SGCZ: variants seen among roughly 807,000 people sequenced by gnomAD.
SGCZ encodes the protein zeta-sarcoglycan.
In SGCZ, 40 loss-of-function variants were observed where a neutral mutation model predicts 41.3. The observed-to-expected ratio is 0.97, with a 90% confidence interval of 0.75 to 1.26. The LOEUF (loss-of-function observed/expected upper bound fraction) is 1.26, where lower values mean the gene tolerates loss of function less well. SGCZ is among the 50% of genes most tolerant of loss of function. The pLI is 0.00. For synonymous variants in SGCZ, 206 were observed against 137.5 expected, an observed-to-expected ratio of 1.50 and a Z score of -3.49; for missense variants, 552 against 369.8, an observed-to-expected ratio of 1.49 and a Z score of -4.04.
At chr8:14,445,903 T>C (rs34430367) in intron 2 of SGCZ, among the ~76,000 whole-genome samples, 25,919 of 152,086 alleles carry the variant, frequency 0.17, 2,319 homozygotes, top group African/African-American at 0.23. Flanking sequence ...AACTCATGCC[T>C]GATCTGGCCA....
chr8:14,267,880 A>G (rs1248069410), intron 3 of SGCZ, among the ~76,000 whole-genome samples: 2 of 152,016 alleles, frequency 1.3e-5, no homozygotes, highest in Admixed American at 6.6e-5. Flanking sequence ...GATGTAAAAA[A>G]GTCATTCTAT....
intron 2 of SGCZ, among the ~76,000 whole-genome samples, chr8:14,525,653 T>G (rs1402594967): frequency 6.6e-6 from 1 of 152,096 alleles, no homozygotes; most frequent in African/African-American, 2.4e-5. Context: ...AAGAAAACAT[T>G]AACACACTAA....
At chr8:14,234,841 T>A (rs991505841) in intron 4 of SGCZ, among the ~76,000 whole-genome samples, 3 of 152,178 alleles carry the variant, frequency 2.0e-5, no homozygotes, top group African/African-American at 7.2e-5. Context: ...TTGAAGAGTT[T>A]CTGAACATGG....
At chr8:14,195,456 G>A (rs1805238174) in intron 4 of SGCZ, among the ~76,000 whole-genome samples, 1 of 152,026 alleles carries the variant, frequency 6.6e-6, no homozygotes, top group African/African-American at 2.4e-5. Context: ...GAGTCTCTGA[G>A]GAAGAACAAA....
chr8:14,795,902 A>C (rs1214570702), intron 1 of SGCZ, among the ~76,000 whole-genome samples: 1 of 151,996 alleles, frequency 6.6e-6, no homozygotes, highest in Non-Finnish European at 1.5e-5. Flanking sequence ...TTTAGTTCCC[A>C]CTTACAAGTG....
intron 1 of SGCZ, among the ~76,000 whole-genome samples, chr8:15,058,442 C>T (rs1270866938): frequency 2.0e-5 from 3 of 152,136 alleles, no homozygotes; most frequent in African/African-American, 7.2e-5. Context: ...TATACTACTC[C>T]TCCCTTCAGA....
intron 2 of SGCZ, among the ~76,000 whole-genome samples, chr8:14,422,150 C>G (rs909204560): frequency 1.3e-5 from 2 of 152,040 alleles, no homozygotes; most frequent in Non-Finnish European, 2.9e-5. Flanking sequence ...ACAAATCTAT[C>G]TAAAAATCTC....
intron 1 of SGCZ, chr8:14,853,303 C>A: frequency 4.2e-6 from 1 of 236,100 alleles, no homozygotes; most frequent in East Asian, 1.1e-4. Context: ...GACAAGCTTC[C>A]AAACACAGGT....
At chr8:14,151,539 C>T (rs930038498) in intron 5 of SGCZ, among the ~76,000 whole-genome samples, 3 of 151,646 alleles carry the variant, frequency 2.0e-5, no homozygotes, top group African/African-American at 7.3e-5. Context: ...ATGTTTAAGG[C>T]AATTAAAGCA....
intron 3 of SGCZ, among the ~76,000 whole-genome samples, chr8:14,316,909 T>G (rs1206304135): frequency 6.6e-6 from 1 of 151,178 alleles, no homozygotes; most frequent in Non-Finnish European, 1.5e-5. Flanking sequence ...CATGCTCATC[T>G]AACAGACAAA....
intron 1 of SGCZ, among the ~76,000 whole-genome samples, chr8:15,214,616 T>C (rs1451427989): frequency 2.0e-5 from 3 of 152,160 alleles, no homozygotes; most frequent in Non-Finnish European, 4.4e-5. Flanking sequence ...CATGCACATC[T>C]TCCTGTGCAA....
At chr8:14,971,230 T>C (rs1424019024) in intron 1 of SGCZ, among the ~76,000 whole-genome samples, 1 of 152,210 alleles carries the variant, frequency 6.6e-6, no homozygotes, top group African/African-American at 2.4e-5. Flanking sequence ...AGACTCCTTG[T>C]AGAGGCTTTA....
chr8:14,642,711 A>G (rs1322027531), intron 1 of SGCZ, among the ~76,000 whole-genome samples: 1 of 151,562 alleles, frequency 6.6e-6, no homozygotes, highest in Admixed American at 6.6e-5. Flanking sequence ...TTTGTAATGT[A>G]AATACTTAAT....
At chr8:14,868,428 A>G (rs1407638064) in intron 1 of SGCZ, among the ~76,000 whole-genome samples, 1 of 152,134 alleles carries the variant, frequency 6.6e-6, no homozygotes, top group Non-Finnish European at 1.5e-5. Flanking sequence ...ATAATTATAT[A>G]CCTACCCAAT....
At chr8:14,274,347 C>A (rs144135205) in intron 3 of SGCZ, among the ~76,000 whole-genome samples, 1 of 152,104 alleles carries the variant, frequency 6.6e-6, no homozygotes, top group African/African-American at 2.4e-5. Context: ...ATTATTAACG[C>A]TGCACTTATT....
At chr8:14,929,183 G>A (rs1340215734) in intron 1 of SGCZ, among the ~76,000 whole-genome samples, 1 of 151,964 alleles carries the variant, frequency 6.6e-6, no homozygotes, top group Non-Finnish European at 1.5e-5. Flanking sequence ...AGTAGAGATG[G>A]GGTTTCACCA....
At chr8:14,865,237 C>T (rs901448176) in intron 1 of SGCZ, among the ~76,000 whole-genome samples, 2 of 152,074 alleles carry the variant, frequency 1.3e-5, no homozygotes, top group Non-Finnish European at 2.9e-5. Context: ...CGTCCTGCGT[C>T]CAGGTCTCTT....
intron 4 of SGCZ, among the ~76,000 whole-genome samples, chr8:14,203,119 A>G (rs1454443451): frequency 6.6e-6 from 1 of 152,184 alleles, no homozygotes; most frequent in African/African-American, 2.4e-5. Context: ...GCCATGTGGA[A>G]CTGTAAGCCC....
intron 2 of SGCZ, among the ~76,000 whole-genome samples, chr8:14,361,440 C>T (rs1398241797): frequency 6.6e-6 from 1 of 152,168 alleles, no homozygotes; most frequent in Non-Finnish European, 1.5e-5. Flanking sequence ...GCTCTTCAAT[C>T]ACTGATATCC....
Sources: allele counts gnomAD v4.1 joint callset (sites outside exome capture counted in the v4.1 genomes callset), GRCh38; gene constraint gnomAD v4.1.1; transcripts MANE v1.5; gene names NCBI Gene and HGNC (gene_info 2026-07-23, HGNC 2026-07-21).